The following ZNF474 variants were observed in gnomAD, a reference collection of about 807,000 sequenced individuals.
ZNF474 encodes the protein 4933409D10Rik.
For missense variants in ZNF474, 511 were observed against 433.8 expected (o/e 1.18, Z -1.58); for synonymous variants, 192 against 162.2 (o/e 1.18, Z -1.39).
intron 1 of ZNF474, among the ~76,000 whole-genome samples, chr5:122,143,957 T>C (rs953096436): frequency 2.0e-5 from 3 of 152,178 alleles, no homozygotes; most frequent in Non-Finnish European, 4.4e-5. Flanking sequence ...TTTGTCTGTT[T>C]GTGTTTTCCT....
In ZNF474 at chr5:122,152,179, T is replaced by C. The variant is rs767059635; in HGVS notation, c.189T>C (p.Pro63=). ...AGACAGACACTCAGAAAAAGAGACCTGGGACTGTGATACTATCAAAACTGT... is the reference window on the plus strand; with the variant it reads ...AGACAGACACTCAGAAAAAGAGACCCGGGACTGTGATACTATCAAAACTGT... The part of the protein sequence containing the change: ...NIKTDTQKKR[P]GTVILSKLSS... The change falls in exon 2 of 2, where the codon CCT becomes CCC. Residue 63 remains proline (P), a synonymous_variant. Coordinates refer to ENST00000296600, the MANE Select transcript of ZNF474 (RefSeq NM_207317.3). The C allele has an allele frequency of 5.0e-6, 8 of 1,614,010 alleles. No homozygotes were observed. The African/African-American group carries it at 8.0e-5, about 16-fold the overall frequency.
intron 1 of ZNF474, among the ~76,000 whole-genome samples, chr5:122,147,405 A>T (rs988045973): frequency 6.6e-6 from 1 of 152,160 alleles, no homozygotes; most frequent in Non-Finnish European, 1.5e-5. Flanking sequence ...TTTAAGTTCT[A>T]GGGTAAATGT....
chr5:122,144,558 C>G (rs180873173), intron 1 of ZNF474, among the ~76,000 whole-genome samples: 1 of 152,132 alleles, frequency 6.6e-6, no homozygotes. Flanking sequence ...ATAACAGGAA[C>G]TAAGTCAAGC....
chr5:122,135,486 G>A (rs115835503), intron 1 of ZNF474, among the ~76,000 whole-genome samples: 2,459 of 152,196 alleles, frequency 0.016, 55 homozygotes, highest in South Asian at 0.062. Context: ...AGAAAGACAG[G>A]CAATATTGAT....
At chr5:122,142,398 A>G (rs1286149935) in intron 1 of ZNF474, among the ~76,000 whole-genome samples, 1 of 152,246 alleles carries the variant, frequency 6.6e-6, no homozygotes, top group African/African-American at 2.4e-5. Flanking sequence ...CTAAAGGCAG[A>G]CAGAACAAGG....
At chr5:122,145,382 T>G (rs13188012) in intron 1 of ZNF474, among the ~76,000 whole-genome samples, 1 of 152,144 alleles carries the variant, frequency 6.6e-6, no homozygotes, top group Non-Finnish European at 1.5e-5. Flanking sequence ...TTGGCTGAGG[T>G]CTGCAGATGC....
rs149797021 is a variant in ZNF474, at chr5:122,148,785, G to A, written c.-212-2994G>A. Among the ~76,000 whole-genome samples the A allele has an allele frequency of 6.8e-3, 1,029 of 151,484 alleles. 18 individuals are homozygous for A. Among genetic ancestry groups the A allele is most frequent in the African/African-American group, 0.023 (966 of 41,244 alleles). ...GAGTTTCACTCTTGTCAGCTAGGCT[G>A]GAGTGCAATGGCGCGATCTTGGCTC... On this transcript the variant is annotated intron_variant, in intron 1 of 1. Transcript: ENST00000296600.
At position 122,152,618 on chromosome 5, in the gene ZNF474, A is replaced by G. The variant is rs751169413; in HGVS notation, c.628A>G (p.Lys210Glu). ...TTCTGATCATCTTACTGGCCTCAAG[A>G]AAGCTTGTAGTGGAACCCCAGCCCG... ...NSSDHLTGLK[K>E]ACSGTPARPR... The change falls in exon 2 of 2, where the codon AAA becomes GAA. Residue 210 changes from lysine (K) to glutamate (E), a missense_variant. Lys to Glu is a moderately conservative substitution (Grantham distance 56). Coordinates refer to ENST00000296600, the MANE Select transcript of ZNF474 (RefSeq NM_207317.3). 8.1e-6 allele frequency: 13 copies of G among 1,614,076 alleles called. No individual in the cohort carries two copies. Among genetic ancestry groups the G allele is most frequent in the Admixed American group, 3.3e-5 (2 of 60,002 alleles).
At chr5:122,149,924 A>T (rs901358843) in intron 1 of ZNF474, among the ~76,000 whole-genome samples, 1 of 147,518 alleles carries the variant, frequency 6.8e-6, no homozygotes, top group African/African-American at 2.6e-5. Flanking sequence ...CGCGCGTGAG[A>T]GAGAGAGAGA....
At chr5:122,149,446 A>AT (rs1756103782) in intron 1 of ZNF474, among the ~76,000 whole-genome samples, 5 of 152,194 alleles carry the variant, frequency 3.3e-5, no homozygotes. Flanking sequence ...AAAAGGAAGC[A>AT]TAACAGCTGG....
chr5:122,139,912 G>A (rs1755792620), intron 1 of ZNF474, among the ~76,000 whole-genome samples: 1 of 152,166 alleles, frequency 6.6e-6, no homozygotes, highest in South Asian at 2.1e-4. Flanking sequence ...TCTTCGTAGA[G>A]AGGACTTACA....
At chr5:122,129,806 T>C (rs1277516303) in intron 1 of ZNF474, 123 bp downstream of exon 1, 6 of 152,334 alleles carry the variant, frequency 3.9e-5, no homozygotes, top group African/African-American at 1.2e-4. Context: ...TTCTCTTCCA[T>C]TGGCTTCTCA....
intron 1 of ZNF474, among the ~76,000 whole-genome samples, chr5:122,151,378 G>A (rs1756166441): frequency 6.6e-6 from 1 of 152,148 alleles, no homozygotes; most frequent in Non-Finnish European, 1.5e-5. Context: ...GGCCCAGGGG[G>A]TCTTTTCGTA....
At chr5:122,132,325 AT>A (rs947499597) in intron 1 of ZNF474, among the ~76,000 whole-genome samples, 13 of 152,022 alleles carry the variant, frequency 8.6e-5, no homozygotes, top group East Asian at 5.8e-4. Flanking sequence ...ATATACTTTC[AT>A]TTTTTTAGGT....
At chr5:122,143,587 C>A (rs1344186251) in intron 1 of ZNF474, among the ~76,000 whole-genome samples, 2 of 152,106 alleles carry the variant, frequency 1.3e-5, no homozygotes, top group African/African-American at 4.8e-5. Context: ...TGTTCTTATA[C>A]GTTTGCAGTT....
intron 1 of ZNF474, among the ~76,000 whole-genome samples, chr5:122,132,843 T>A (rs937152374): frequency 5.3e-5 from 8 of 152,228 alleles, no homozygotes; most frequent in Non-Finnish European, 1.2e-4. Context: ...GTTACATGGA[T>A]CTGTTTGTCT....
chr5:122,147,460 G>C lies in ZNF474; in HGVS notation c.-212-4319G>C, dbSNP rs544221006. Reference sequence around the variant, plus strand: ...TACATAGGTATACATGTGCCATGTTGGTTTGCTCCACCCATTAAATCATCA... The same window carrying C: ...TACATAGGTATACATGTGCCATGTTCGTTTGCTCCACCCATTAAATCATCA... On this transcript the variant is annotated intron_variant, in intron 1 of 1. Coordinates refer to ENST00000296600, the MANE Select transcript of ZNF474 (RefSeq NM_207317.3). 6.4e-4 allele frequency among the ~76,000 whole-genome samples: 97 copies of C among 152,234 alleles called. 4 individuals are homozygous for C. In the South Asian group the frequency reaches 0.02, roughly 31 times the overall value.
intron 1 of ZNF474, among the ~76,000 whole-genome samples, chr5:122,140,315 A>G (rs1488765930): frequency 6.6e-6 from 1 of 152,228 alleles, no homozygotes; most frequent in Non-Finnish European, 1.5e-5. Context: ...TTAGCTCAGT[A>G]GATTGTATCA....
At chr5:122,145,546 G>T (rs1052770887) in intron 1 of ZNF474, among the ~76,000 whole-genome samples, 1 of 152,100 alleles carries the variant, frequency 6.6e-6, no homozygotes, top group Admixed American at 6.5e-5. Context: ...TGGCTTGGGG[G>T]TCAGCAGGTG....
Sources: gnomAD v4.1 joint callset for allele counts (sites outside exome capture counted in the v4.1 genomes callset) on GRCh38, gnomAD v4.1.1 for gene constraint, MANE v1.5 for transcripts, NCBI Gene and HGNC (gene_info 2026-07-23, HGNC 2026-07-21) for gene names.